ARHGAP24: variants seen among roughly 807,000 people sequenced by gnomAD.
The protein encoded by ARHGAP24 is rho GTPase-activating protein 24.
Under a neutral mutation model 76.4 loss-of-function variants are expected in ARHGAP24, and 50 were observed. The observed-to-expected ratio is 0.65, with a 90% confidence interval of 0.52 to 0.83. The LOEUF (loss-of-function observed/expected upper bound fraction) is 0.83, where lower values mean the gene tolerates loss of function less well. Among genes scored for constraint, ARHGAP24 ranks in the 40% least tolerant of loss-of-function variants. The pLI is 0.00. For synonymous variants in ARHGAP24, 345 were observed against 323.3 expected (o/e 1.07, Z -0.72); for missense variants, 930 against 914.2 (o/e 1.02, Z -0.22).
chr4:85,526,307 G>A (rs991840584), intron 1 of ARHGAP24, among the ~76,000 whole-genome samples: 102 of 151,810 alleles, frequency 6.7e-4, no homozygotes, highest in African/African-American at 2.2e-3. Flanking sequence ...AGGCTGTGTA[G>A]GAGGATGGCT....
chr4:85,750,822 T>A (rs529502807), intron 3 of ARHGAP24, among the ~76,000 whole-genome samples: 9 of 152,274 alleles, frequency 5.9e-5, no homozygotes, highest in African/African-American at 2.2e-4. Flanking sequence ...CTATCTTTAG[T>A]CATTGTTTCT....
At chr4:85,562,403 C>T (rs1477104604) in intron 1 of ARHGAP24, among the ~76,000 whole-genome samples, 1 of 150,226 alleles carries the variant, frequency 6.7e-6, no homozygotes, top group African/African-American at 2.4e-5. Context: ...TCTCAGTACA[C>T]TTAGTTTTAT....
Position 85,977,597 on chromosome 4 carries a change from G to C in ARHGAP24, c.834G>C (p.Ser278=), listed in dbSNP as rs201043486. ...TCTTGGATGAAGTACAGTCCTACTC[G>C]GGAGTTAACAAAATGAGTGTGCAGA... ...CRFLDEVQSY[S]GVNKMSVQNL... Residue 278 remains serine, a synonymous_variant, in exon 8 of 10, where the codon TCG becomes TCC. Coordinates refer to ENST00000395184, the MANE Select transcript of ARHGAP24 (RefSeq NM_001025616.3). 1 of 1,613,514 alleles carries C rather than the reference G, an allele frequency of 6.2e-7. No homozygotes were observed. Among genetic ancestry groups the C allele is most frequent in the East Asian group, 2.2e-5 (1 of 44,846 alleles).
intron 1 of ARHGAP24, among the ~76,000 whole-genome samples, chr4:85,482,155 A>G (rs573667936): frequency 6.6e-6 from 1 of 152,262 alleles, no homozygotes; most frequent in East Asian, 1.9e-4. Context: ...TTGCAACCTA[A>G]CTGTGTAAAC....
intron 2 of ARHGAP24, among the ~76,000 whole-genome samples, chr4:85,667,631 G>T (rs933523155): frequency 1.3e-5 from 2 of 152,144 alleles, no homozygotes; most frequent in Non-Finnish European, 2.9e-5. Flanking sequence ...GTTCCTATTC[G>T]GCCATCTTGG....
intron 8 of ARHGAP24, among the ~76,000 whole-genome samples, chr4:85,984,348 C>T (rs139407965): frequency 9.9e-4 from 150 of 152,230 alleles, no homozygotes; most frequent in African/African-American, 3.5e-3. Flanking sequence ...CTGGGAAGTC[C>T]AAGATCAAGG....
At chr4:85,541,641 TATC>T (rs1362331941) in intron 1 of ARHGAP24, among the ~76,000 whole-genome samples, 87 of 152,096 alleles carry the variant, frequency 5.7e-4, no homozygotes, top group Admixed American at 5.7e-3. Context: ...TGCATGATGA[TATC>T]ATAGTTTATT....
At chr4:85,818,287 C>G (rs1729327499) in intron 3 of ARHGAP24, among the ~76,000 whole-genome samples, 1 of 152,182 alleles carries the variant, frequency 6.6e-6, no homozygotes, top group Non-Finnish European at 1.5e-5. Flanking sequence ...CTATCTGGGA[C>G]CCCTGCCCAC....
intron 1 of ARHGAP24, among the ~76,000 whole-genome samples, chr4:85,499,867 T>C (rs1723733970): frequency 1.3e-5 from 2 of 152,222 alleles, no homozygotes; most frequent in African/African-American, 4.8e-5. Flanking sequence ...AATGAACTTA[T>C]ATTTAAGTTT....
intron 2 of ARHGAP24, among the ~76,000 whole-genome samples, chr4:85,617,809 G>A (rs1223456612): frequency 6.6e-6 from 1 of 151,918 alleles, no homozygotes; most frequent in Non-Finnish European, 1.5e-5. Flanking sequence ...ATTGCCACTG[G>A]CAATGTATAA....
intron 2 of ARHGAP24, among the ~76,000 whole-genome samples, chr4:85,678,151 G>A (rs1006094444): frequency 2.8e-4 from 42 of 152,100 alleles, no homozygotes; most frequent in African/African-American, 1.9e-4. Flanking sequence ...GGAGGATCAC[G>A]TTAGGCCAGG....
chr4:85,551,971 G>T (rs771254310), intron 1 of ARHGAP24, among the ~76,000 whole-genome samples: 1 of 152,018 alleles, frequency 6.6e-6, no homozygotes, highest in Non-Finnish European at 1.5e-5. Context: ...AAAAACTCAT[G>T]GATTCATTGA....
chr4:85,959,092 A>C (rs1193561740), intron 5 of ARHGAP24, among the ~76,000 whole-genome samples: 1 of 152,212 alleles, frequency 6.6e-6, no homozygotes, highest in Non-Finnish European at 1.5e-5. Context: ...TGGCCACTCC[A>C]TAGACAGAGC....
At chr4:85,911,641 T>C (rs772649397) in intron 3 of ARHGAP24, among the ~76,000 whole-genome samples, 1 of 152,202 alleles carries the variant, frequency 6.6e-6, no homozygotes, top group Non-Finnish European at 1.5e-5. Flanking sequence ...GGGAAGTCAT[T>C]GAAGACTATT....
intron 2 of ARHGAP24, among the ~76,000 whole-genome samples, chr4:85,696,586 A>C (rs17010594): frequency 0.03 from 4,491 of 152,128 alleles, 196 homozygotes; most frequent in African/African-American, 0.1. Context: ...AATGCCTGTA[A>C]TGCTTTTGTA....
chr4:85,810,066 A>T (rs1728946951), intron 3 of ARHGAP24, among the ~76,000 whole-genome samples: 1 of 152,212 alleles, frequency 6.6e-6, no homozygotes, highest in Non-Finnish European at 1.5e-5. Flanking sequence ...TGTCGAGAGG[A>T]TAATAAAAAT....
intron 3 of ARHGAP24, among the ~76,000 whole-genome samples, chr4:85,787,937 G>C (rs182256278): frequency 3.5e-4 from 54 of 152,274 alleles, no homozygotes; most frequent in Non-Finnish European, 5.7e-4. Flanking sequence ...TTAGTGCCCT[G>C]CATAGTGCCA....
intron 3 of ARHGAP24, among the ~76,000 whole-genome samples, chr4:85,879,298 G>A (rs1733107040): frequency 6.6e-6 from 1 of 151,984 alleles, no homozygotes. Context: ...AAGGTGAGAC[G>A]GTTCATTTCT....
At chr4:85,660,776 C>G (rs1011371500) in intron 2 of ARHGAP24, among the ~76,000 whole-genome samples, 1 of 107,246 alleles carries the variant, frequency 9.3e-6, no homozygotes, top group African/African-American at 3.7e-5. Flanking sequence ...AGCCTGGTGA[C>G]AGAGAGAGAC....
Sources: gnomAD v4.1 joint callset for allele counts (sites outside exome capture counted in the v4.1 genomes callset) on GRCh38, gnomAD v4.1.1 for gene constraint, MANE v1.5 for transcripts, NCBI Gene and HGNC (gene_info 2026-07-23, HGNC 2026-07-21) for gene names.